The following ESRRG variants were observed in gnomAD, a reference collection of about 807,000 sequenced individuals.
ESRRG encodes the protein estrogen-related receptor gamma.
ESRRG carries 13 observed loss-of-function variants against 44.0 expected under a neutral mutation model. The observed-to-expected ratio is 0.30, with a 90% CI of 0.19 to 0.47. The LOEUF is 0.47. Among genes scored for constraint, ESRRG ranks in the 20% least tolerant of loss-of-function variants. The pLI, the probability that ESRRG is intolerant of heterozygous loss-of-function variation, is 1.00. For missense variants in ESRRG, 395 were observed against 580.6 expected (o/e 0.68, Z 3.29); for synonymous variants, 215 against 214.6 (o/e 1.00, Z -0.02).
intron 2 of ESRRG, among the ~76,000 whole-genome samples, chr1:216,822,282 C>T (rs929784302): frequency 6.6e-6 from 1 of 151,976 alleles, no homozygotes; most frequent in African/African-American, 2.4e-5. Flanking sequence ...AAATAAATAC[C>T]GATACTCTCT....
At chr1:217,134,181 T>C (rs1480444797) in intron 1 of ESRRG, among the ~76,000 whole-genome samples, 1 of 152,062 alleles carries the variant, frequency 6.6e-6, no homozygotes, top group Non-Finnish European at 1.5e-5. Context: ...CAGACCGCGC[T>C]CCAGCCCCCA....
Position 216,831,130 on chromosome 1 carries a change from G to C in ESRRG, c.-14+108452C>G, listed in dbSNP as rs548943936. On this transcript the variant is annotated intron_variant, in intron 2 of 7. Coordinates refer to the ESRRG transcript ENST00000359162. Reference sequence around the variant, plus strand: ...CTCCAACAGGGTAATTTTATACATGGCATTCTTATTAAATATTTCAAAGGG... The same window carrying C: ...CTCCAACAGGGTAATTTTATACATGCCATTCTTATTAAATATTTCAAAGGG... Among the ~76,000 whole-genome samples, 5 of 152,144 alleles carry C rather than the reference G, an allele frequency of 3.3e-5. No homozygotes were observed. In the East Asian group the frequency reaches 9.7e-4, roughly 30 times the overall value.
intron 2 of ESRRG, among the ~76,000 whole-genome samples, chr1:216,826,828 C>T (rs1365911125): frequency 6.6e-6 from 1 of 152,182 alleles, no homozygotes; most frequent in East Asian, 1.9e-4. Flanking sequence ...TGAAATTGCT[C>T]CTTCACAGTT....
chr1:216,606,044 C>A (rs1289683096), intron 3 of ESRRG, among the ~76,000 whole-genome samples: 1 of 152,134 alleles, frequency 6.6e-6, no homozygotes, highest in Admixed American at 6.5e-5. Context: ...AAAACAAAAT[C>A]ACATCACTGG....
chr1:217,025,050 C>T (rs924504675), intron 1 of ESRRG, among the ~76,000 whole-genome samples: 7 of 152,182 alleles, frequency 4.6e-5, no homozygotes, highest in Admixed American at 1.3e-4. Flanking sequence ...CCACCTTCCT[C>T]GTTATCCTGC....
chr1:216,541,611 T>TGTGTGA lies in ESRRG; in HGVS notation c.863-22191_863-22190insTCACAC, dbSNP rs753149020. Among the ~76,000 whole-genome samples, 1,171 of 148,690 alleles carry TGTGTGA rather than the reference T, an allele frequency of 7.9e-3. 12 individuals carry two copies. The highest frequency in any genetic ancestry group is 0.017 in the Middle Eastern group (5 of 290). On this transcript the variant is annotated intron_variant, in intron 5 of 6. Transcript: ENST00000408911. ...GTGTGTGTGTGTGTGTGTGTGTATG[T>TGTGTGA]GATCAGCTATTCATACCCTGGCCAA...
At chr1:216,678,461 A>G (rs1193209939) in intron 1 of ESRRG, among the ~76,000 whole-genome samples, 5 of 152,190 alleles carry the variant, frequency 3.3e-5, no homozygotes, top group African/African-American at 7.2e-5. Context: ...TATATTTGTG[A>G]TGGTCCTTCC....
At chr1:216,872,826 AT>A (rs1398386388) in intron 2 of ESRRG, among the ~76,000 whole-genome samples, 1 of 152,136 alleles carries the variant, frequency 6.6e-6, no homozygotes, top group African/African-American at 2.4e-5. Flanking sequence ...TGCCTTCTTG[AT>A]GTAGGTTGAA....
intron 1 of ESRRG, among the ~76,000 whole-genome samples, chr1:217,106,083 A>G (rs1020843842): frequency 1.3e-5 from 2 of 152,230 alleles, no homozygotes; most frequent in Non-Finnish European, 2.9e-5. Context: ...CTTAATTGCC[A>G]TAAATAAAGA....
At chr1:216,715,247 A>C (rs942553997) in intron 1 of ESRRG, 1 of 985,212 alleles carries the variant, frequency 1.0e-6, no homozygotes, top group African/African-American at 1.7e-5. Flanking sequence ...GTCTCATTCA[A>C]GTCTATGGAT....
At chr1:217,085,480 CATT>C (rs1558238605) in intron 1 of ESRRG, among the ~76,000 whole-genome samples, 3 of 66,334 alleles carry the variant, frequency 4.5e-5, no homozygotes, top group South Asian at 5.3e-4. Context: ...CTTTTCTTTT[CATT>C]TTTTTTTTTT....
intron 1 of ESRRG, among the ~76,000 whole-genome samples, chr1:217,129,731 C>T (rs983508303): frequency 1.3e-5 from 2 of 151,868 alleles, no homozygotes; most frequent in African/African-American, 4.8e-5. Flanking sequence ...TAAATGATTC[C>T]AACTATAAAA....
chr1:216,906,540 A>G (rs2059705551), intron 2 of ESRRG, among the ~76,000 whole-genome samples: 1 of 152,098 alleles, frequency 6.6e-6, no homozygotes, highest in South Asian at 2.1e-4. Flanking sequence ...TCTCCCTCCT[A>G]CTTCCCTCCC....
At chr1:216,538,730 A>G (rs1451868026) in intron 5 of ESRRG, among the ~76,000 whole-genome samples, 1 of 152,122 alleles carries the variant, frequency 6.6e-6, no homozygotes, top group Non-Finnish European at 1.5e-5. Flanking sequence ...TTAGGTTTAC[A>G]TCTAGAGCAA....
intron 1 of ESRRG, among the ~76,000 whole-genome samples, chr1:216,978,611 G>A (rs894424261): frequency 6.6e-6 from 1 of 152,098 alleles, no homozygotes; most frequent in Admixed American, 6.6e-5. Flanking sequence ...CTAGTCTCAT[G>A]GACAACCCAG....
chr1:216,875,269 C>T (rs11572544), intron 2 of ESRRG, among the ~76,000 whole-genome samples: 40 of 152,072 alleles, frequency 2.6e-4, no homozygotes, highest in Admixed American at 1.2e-3. Flanking sequence ...GTGCACAGAT[C>T]TTGCTTTTAG....
At chr1:216,623,077 C>CTTTTTTTTTTTTT (rs370657704) in intron 3 of ESRRG, among the ~76,000 whole-genome samples, 1 of 88,658 alleles carries the variant, frequency 1.1e-5, no homozygotes, top group Non-Finnish European at 2.0e-5. Flanking sequence ...AATCATTAAA[C>CTTTTTTTTTTTTT]TTTTTTTTTT....
chr1:216,848,688 G>T (rs2095797592), intron 2 of ESRRG, among the ~76,000 whole-genome samples: 1 of 151,812 alleles, frequency 6.6e-6, no homozygotes, highest in African/African-American at 2.4e-5. Flanking sequence ...CTACCAATTT[G>T]CAGCAAAGCT....
Position 216,533,686 on chromosome 1 carries a change from G to T in ESRRG, c.863-14265C>A, listed in dbSNP as rs540209292. 2.6e-5 allele frequency among the ~76,000 whole-genome samples: 4 copies of T among 152,236 alleles called. No individual in the cohort carries two copies. The East Asian group carries it at 5.8e-4, about 22-fold the overall frequency. The stretch of plus-strand genomic sequence containing the variant: ...TAATAGGCAGGGTATACTAACGCAT[G>T]TTCCCTAACTAGCGGATGTTCCTCT... On this transcript the variant is annotated intron_variant, in intron 5 of 6. Transcript: ENST00000408911.
Sources: gnomAD v4.1 joint callset for allele counts (sites outside exome capture counted in the v4.1 genomes callset) on GRCh38, gnomAD v4.1.1 for gene constraint, MANE v1.5 for transcripts, NCBI Gene and HGNC (gene_info 2026-07-23, HGNC 2026-07-21) for gene names.